RBFOX1: variants seen among roughly 807,000 people sequenced by gnomAD.
RBFOX1 encodes the protein RNA binding fox-1 homolog 1, also known as RNA binding protein fox-1 homolog 1.
Under a neutral mutation model 57.7 loss-of-function variants are expected in RBFOX1, and 8 were observed. The ratio of observed to expected loss-of-function variants is 0.14; its 90% confidence interval spans 0.08 to 0.25. The LOEUF is 0.25. Ranked by LOEUF, RBFOX1 falls within the 10% of genes least tolerant of loss-of-function variation. The pLI is 1.00. For synonymous variants in RBFOX1, 326 were observed against 222.4 expected, an observed-to-expected ratio of 1.47 and a Z score of -4.15; for missense variants, 611 against 548.5, an observed-to-expected ratio of 1.11 and a Z score of -1.14.
At chr16:5,412,013 T>G (rs1010037648) in intron 1 of RBFOX1, among the ~76,000 whole-genome samples, 2 of 152,224 alleles carry the variant, frequency 1.3e-5, no homozygotes, top group Non-Finnish European at 2.9e-5. Flanking sequence ...CGGTTAGTTA[T>G]GAGAGTCACG....
In RBFOX1 at chr16:6,874,490, G is replaced by A. The variant is rs941613462; in HGVS notation, c.-15-177567G>A. 5.8e-5 allele frequency among the ~76,000 whole-genome samples: 8 copies of A among 137,736 alleles called. 1 individual carries two copies. Among genetic ancestry groups the A allele is most frequent in the Admixed American group, 5.5e-4 (7 of 12,792 alleles). 90.4% of individuals were successfully genotyped at this position (137,736 alleles called of 152,430 possible). A position where few individuals can be genotyped will look rare whatever the true frequency, so the allele number is the denominator to read the frequency against. On this transcript the variant is annotated intron_variant, in intron 3 of 15. Coordinates refer to ENST00000550418, the MANE Select transcript of RBFOX1 (RefSeq NM_018723.4). ...CATGCCACTGCACTCCAGGCTGGGCGACAGAGCAAGACTCCATCTAAAAAA... is the reference window on the plus strand; with the variant it reads ...CATGCCACTGCACTCCAGGCTGGGCAACAGAGCAAGACTCCATCTAAAAAA...
At chr16:6,450,210 T>G (rs887142507) in intron 2 of RBFOX1, among the ~76,000 whole-genome samples, 2 of 152,152 alleles carry the variant, frequency 1.3e-5, no homozygotes, top group Non-Finnish European at 2.9e-5. Context: ...ACCTAAGTAT[T>G]TTTTGACTCC....
chr16:6,645,722 A>G (rs929344382), intron 2 of RBFOX1, among the ~76,000 whole-genome samples: 9 of 152,160 alleles, frequency 5.9e-5, no homozygotes, highest in Admixed American at 3.3e-4. Context: ...AGGTTTCACA[A>G]AGCCTGTTGG....
Position 6,695,375 on chromosome 16 carries a change from C to T in RBFOX1, c.-16+40725C>T, listed in dbSNP as rs932512702. Among the ~76,000 whole-genome samples, 9 of 134,116 alleles carry T rather than the reference C, an allele frequency of 6.7e-5. No individual in the cohort carries two copies. In the East Asian group the frequency reaches 1.2e-3, roughly 18 times the overall value. 88.0% of individuals were successfully genotyped at this position (134,116 alleles called of 152,430 possible). On this transcript the variant is annotated intron_variant, in intron 3 of 15. Coordinates refer to ENST00000550418, the MANE Select transcript of RBFOX1 (RefSeq NM_018723.4). Reference sequence around the variant, plus strand: ...AGGTTGCAATTACCTGAGATTGCGCCGCTTCACTCCAGCCTGAGAGTAAGA... The same window carrying T: ...AGGTTGCAATTACCTGAGATTGCGCTGCTTCACTCCAGCCTGAGAGTAAGA...
chr16:6,667,980 C>G (rs1057053919), intron 3 of RBFOX1, among the ~76,000 whole-genome samples: 10 of 152,120 alleles, frequency 6.6e-5, no homozygotes, highest in Non-Finnish European at 1.2e-4. Flanking sequence ...ATCTTTGACT[C>G]TGTTTCTTAG....
At chr16:5,871,551 G>A (rs1168065053) in intron 4 of RBFOX1, among the ~76,000 whole-genome samples, 5 of 152,008 alleles carry the variant, frequency 3.3e-5, no homozygotes, top group Admixed American at 6.6e-5. Flanking sequence ...TTATCGTCAC[G>A]CAGCTTGCCC....
chr16:5,699,927 G>A (rs1008876680), intron 3 of RBFOX1, among the ~76,000 whole-genome samples: 186 of 152,112 alleles, frequency 1.2e-3, no homozygotes, highest in South Asian at 4.1e-4. Flanking sequence ...TCTGCCTCCC[G>A]GGTTCACGCC....
At chr16:6,771,808 C>A (rs2078342891) in intron 3 of RBFOX1, among the ~76,000 whole-genome samples, 1 of 152,132 alleles carries the variant, frequency 6.6e-6, no homozygotes, top group Non-Finnish European at 1.5e-5. Context: ...CCTAAAGTGG[C>A]AATTGTACCA....
intron 14 of RBFOX1, among the ~76,000 whole-genome samples, chr16:7,708,830 A>ATGTG (rs997878424): frequency 6.6e-6 from 1 of 151,668 alleles, no homozygotes; most frequent in Non-Finnish European, 1.5e-5. Context: ...ACGTGTGTAT[A>ATGTG]TATGTATTTA....
intron 2 of RBFOX1, among the ~76,000 whole-genome samples, chr16:6,602,102 GC>G (rs2097860289): frequency 6.6e-6 from 1 of 151,980 alleles, no homozygotes; most frequent in Admixed American, 6.6e-5. Flanking sequence ...TTGTTTATTG[GC>G]CATTTGTCTG....
chr16:5,888,531 C>A (rs150351882), intron 4 of RBFOX1, among the ~76,000 whole-genome samples: 1 of 152,122 alleles, frequency 6.6e-6, no homozygotes. Context: ...CGCAGTGGCT[C>A]ACGCCTGTAA....
chr16:6,819,699 C>CCA (rs1567396055), intron 3 of RBFOX1, among the ~76,000 whole-genome samples: 1 of 66,266 alleles, frequency 1.5e-5, no homozygotes, highest in Non-Finnish European at 2.6e-5. Context: ...GAGTGAAACT[C>CCA]TGACTCAAAA....
chr16:6,643,587 T>C (rs187900209), intron 2 of RBFOX1, among the ~76,000 whole-genome samples: 8 of 152,312 alleles, frequency 5.3e-5, no homozygotes, highest in Admixed American at 5.2e-4. Context: ...AGCAATTAAC[T>C]TTAGAACATT....
At chr16:5,733,003 A>G (rs2052439611) in intron 3 of RBFOX1, among the ~76,000 whole-genome samples, 1 of 152,158 alleles carries the variant, frequency 6.6e-6, no homozygotes, top group African/African-American at 2.4e-5. Context: ...TGGTGACTAT[A>G]TGATCTTACA....
intron 2 of RBFOX1, among the ~76,000 whole-genome samples, chr16:6,468,069 G>A (rs144507629): frequency 6.6e-6 from 1 of 152,120 alleles, no homozygotes; most frequent in Non-Finnish European, 1.5e-5. Flanking sequence ...TGGTTTGGGG[G>A]AATACGGAGT....
chr16:6,909,513 C>T (rs1294619123), intron 3 of RBFOX1, among the ~76,000 whole-genome samples: 1 of 152,232 alleles, frequency 6.6e-6, no homozygotes. Flanking sequence ...ATCACACTCT[C>T]TAAAGGCGTT....
At chr16:6,864,842 C>A (rs912007609) in intron 3 of RBFOX1, among the ~76,000 whole-genome samples, 5 of 151,832 alleles carry the variant, frequency 3.3e-5, no homozygotes, top group African/African-American at 1.2e-4. Context: ...GGCCATTTCC[C>A]TTTTTTTATC....
chr16:7,115,524 A>G (rs1242609396), intron 4 of RBFOX1, among the ~76,000 whole-genome samples: 3 of 152,172 alleles, frequency 2.0e-5, no homozygotes, highest in Admixed American at 6.5e-5. Context: ...AATAGTGTCA[A>G]GGCTCTCTTT....
chr16:7,002,858 C>A (rs1367970660), intron 3 of RBFOX1, among the ~76,000 whole-genome samples: 3 of 152,174 alleles, frequency 2.0e-5, no homozygotes, highest in African/African-American at 2.4e-5. Context: ...TTTCTCTCAA[C>A]ATCCCGATAC....
Sources: gnomAD v4.1 joint callset for allele counts (sites outside exome capture counted in the v4.1 genomes callset) on GRCh38, gnomAD v4.1.1 for gene constraint, MANE v1.5 for transcripts, NCBI Gene and HGNC (gene_info 2026-07-23, HGNC 2026-07-21) for gene names.